The following PRKD1 variants were observed in gnomAD, a reference collection of about 807,000 sequenced individuals.
PRKD1 encodes the protein protein kinase D1.
A neutral mutation model predicts 95.9 loss-of-function variants in PRKD1; 63 were observed. The ratio of observed to expected loss-of-function variants is 0.66; its 90% CI spans 0.54 to 0.81. The LOEUF is 0.81. Ranked by LOEUF, PRKD1 falls within the 30% of genes least tolerant of loss-of-function variation. PRKD1 has a pLI of 0.00. For missense variants in PRKD1, 1,048 were observed against 1,165.3 expected, an observed-to-expected ratio of 0.90 and a Z score of 1.47; for synonymous variants, 425 against 423.1, an observed-to-expected ratio of 1.00 and a Z score of -0.05.
At position 29,725,540 on chromosome 14, in the gene PRKD1, C is replaced by G; in HGVS notation, c.399G>C (p.Leu133Phe). ...IQEGDLIEVV[L>F]SASATFEDFQ... ...AAAGGTATAAAAGTATACTACCTGA[C>G]AAGACCACTTCAATAAGATCGCCTT... The change falls in exon 2 of 18, where the codon TTG becomes TTC. Residue 133 changes from leucine (L) to phenylalanine (F), a missense_variant. This residue lies in a region of PRKD1 where 275 missense variants were observed against 248.6 expected (regional missense o/e 1.11). Coordinates refer to ENST00000331968, the MANE Select transcript of PRKD1 (RefSeq NM_002742.3). The G allele has an allele frequency of 6.2e-7, 1 of 1,613,410 alleles. No individual in the cohort carries two copies. The highest frequency in any genetic ancestry group is 8.5e-7 in the Non-Finnish European group (1 of 1,179,526).
At chr14:29,842,730 TGACACATGTTA>T (rs1220840418) in intron 1 of PRKD1, among the ~76,000 whole-genome samples, 6 of 152,310 alleles carry the variant, frequency 3.9e-5, no homozygotes, top group Admixed American at 3.9e-4. Context: ...GTCCATCAGT[TGACACATGTTA>T]GCCTCCAAAC....
intron 1 of PRKD1, among the ~76,000 whole-genome samples, chr14:29,871,690 T>C (rs1893114192): frequency 6.6e-6 from 1 of 152,200 alleles, no homozygotes. Flanking sequence ...ATCATCACCA[T>C]CTACTTGAAA....
Position 29,630,935 on chromosome 14 carries a change from T to C in PRKD1, c.1479A>G (p.Glu493=). 1.9e-6 allele frequency: 3 copies of C among 1,614,082 alleles called. No individual in the cohort carries two copies. The highest frequency in any genetic ancestry group is 2.5e-6 in the Non-Finnish European group (3 of 1,179,976). ...IPNGANPHCF[E]ITTANVVYYV... ...AATACACTACATTTGCCGTAGTGATTTCGAAACAATGAGGATTGGCCCCAT... is the reference window on the plus strand; with the variant it reads ...AATACACTACATTTGCCGTAGTGATCTCGAAACAATGAGGATTGGCCCCAT... The change falls in exon 10 of 18, where the codon GAA becomes GAG. Residue 493 remains glutamate (E), a synonymous_variant. Coordinates refer to ENST00000331968, the MANE Select transcript of PRKD1 (RefSeq NM_002742.3).
chr14:29,631,063 A>T (rs371318866), intron 9 of PRKD1, 42 bp from the exon 10 acceptor site: 15 of 1,517,692 alleles, frequency 9.9e-6, no homozygotes, highest in Middle Eastern at 1.8e-4. Context: ...TATCAAAAGT[A>T]TGTAAACTTT....
At chr14:29,901,982 A>G (rs977917424) in intron 1 of PRKD1, among the ~76,000 whole-genome samples, 1 of 152,214 alleles carries the variant, frequency 6.6e-6, no homozygotes, top group African/African-American at 2.4e-5. Flanking sequence ...ATATACATCT[A>G]TATAGGACAA....
At chr14:29,721,550 T>C (rs1279646302) in intron 2 of PRKD1, among the ~76,000 whole-genome samples, 2 of 152,180 alleles carry the variant, frequency 1.3e-5, no homozygotes, top group Non-Finnish European at 2.9e-5. Flanking sequence ...GTAGTCCTGT[T>C]ACTAATTTGT....
At chr14:29,731,867 C>CTTT (rs56015138) in intron 1 of PRKD1, among the ~76,000 whole-genome samples, 18 of 144,522 alleles carry the variant, frequency 1.2e-4, no homozygotes, top group African/African-American at 4.1e-4. Context: ...ACAATCTCTA[C>CTTT]TTTTTTTTTT....
chr14:29,866,481 A>G (rs987900940), intron 1 of PRKD1, among the ~76,000 whole-genome samples: 6 of 152,254 alleles, frequency 3.9e-5, no homozygotes, highest in Non-Finnish European at 8.8e-5. Context: ...TTACAAAGAC[A>G]TATGAGAAAC....
At chr14:29,899,017 T>C (rs1566661534) in intron 1 of PRKD1, among the ~76,000 whole-genome samples, 1 of 152,216 alleles carries the variant, frequency 6.6e-6, no homozygotes, top group Admixed American at 6.5e-5. Flanking sequence ...ATTTATAAAA[T>C]ATTCAAAATG....
intron 4 of PRKD1, among the ~76,000 whole-genome samples, chr14:29,651,650 C>CTT (rs35604605): frequency 2.1e-5 from 3 of 144,616 alleles, no homozygotes; most frequent in Admixed American, 6.9e-5. Flanking sequence ...AGAAATCTTT[C>CTT]TTTTTTTTTT....
chr14:29,821,567 C>T (rs11156617), intron 1 of PRKD1, among the ~76,000 whole-genome samples: 1 of 152,022 alleles, frequency 6.6e-6, no homozygotes, highest in Admixed American at 6.6e-5. Flanking sequence ...CACACTGAAT[C>T]GCAAAATTAA....
intron 1 of PRKD1, among the ~76,000 whole-genome samples, chr14:29,778,288 G>C (rs1019165667): frequency 2.6e-5 from 4 of 152,086 alleles, no homozygotes; most frequent in Admixed American, 6.6e-5. Flanking sequence ...ACTAAGATCG[G>C]AGCAGAAATG....
chr14:29,741,478 A>G (rs1886976972), intron 1 of PRKD1, among the ~76,000 whole-genome samples: 1 of 152,208 alleles, frequency 6.6e-6, no homozygotes, highest in African/African-American at 2.4e-5. Flanking sequence ...ATGAACCAAC[A>G]TATGTAAAGT....
intron 1 of PRKD1, among the ~76,000 whole-genome samples, chr14:29,850,467 CACACACACACACATAT>C (rs1892265820): frequency 6.6e-6 from 1 of 151,564 alleles, no homozygotes; most frequent in Non-Finnish European, 1.5e-5. Context: ...CACACACACA[CACACACACACACATAT>C]ACACACACAC....
intron 1 of PRKD1, among the ~76,000 whole-genome samples, chr14:29,805,119 G>A (rs1000381610): frequency 2.0e-5 from 3 of 152,162 alleles, no homozygotes; most frequent in African/African-American, 7.2e-5. Flanking sequence ...TTATCATACA[G>A]TTGGTCTGCA....
intron 1 of PRKD1, among the ~76,000 whole-genome samples, chr14:29,765,769 T>A (rs927001846): frequency 1.3e-5 from 2 of 152,156 alleles, no homozygotes; most frequent in African/African-American, 2.4e-5. Context: ...AAGCAAGTCA[T>A]TAAAACATCT....
chr14:29,719,016 A>G (rs1252102022), intron 2 of PRKD1, among the ~76,000 whole-genome samples: 3 of 152,062 alleles, frequency 2.0e-5, no homozygotes, highest in South Asian at 4.1e-4. Flanking sequence ...TATTATATCT[A>G]AGAGAAATTA....
chr14:29,922,683 A>G (rs920753985), intron 1 of PRKD1, among the ~76,000 whole-genome samples: 2 of 152,074 alleles, frequency 1.3e-5, no homozygotes, highest in African/African-American at 4.8e-5. Flanking sequence ...CAGGAAATCA[A>G]TAACAGCCTG....
chr14:29,637,119 C>G (rs1880437045), intron 6 of PRKD1, among the ~76,000 whole-genome samples: 1 of 152,106 alleles, frequency 6.6e-6, no homozygotes, highest in African/African-American at 2.4e-5. Context: ...TGATACCAGG[C>G]CCAAGTGACT....
Sources: allele counts gnomAD v4.1 joint callset (sites outside exome capture counted in the v4.1 genomes callset), GRCh38; gene constraint gnomAD v4.1.1; regional missense constraint gnomAD v4.1.1; transcripts MANE v1.5; gene names NCBI Gene and HGNC (gene_info 2026-07-23, HGNC 2026-07-21).